The following RERE variants were observed in gnomAD, a reference collection of about 807,000 sequenced individuals.
RERE encodes arginine-glutamic acid dipeptide repeats.
A neutral mutation model predicts 146.1 loss-of-function variants in RERE; 40 were observed. The ratio of observed to expected loss-of-function variants is 0.27; its 90% confidence interval spans 0.21 to 0.36. The LOEUF (loss-of-function observed/expected upper bound fraction) is 0.36, where lower values mean the gene tolerates loss of function less well. Among genes scored for constraint, RERE ranks in the 10% least tolerant of loss-of-function variants. The pLI is 1.00. For synonymous variants in RERE, 1,003 were observed against 866.0 expected (o/e 1.16, Z -2.78); for missense variants, 1,933 against 2,138.7 (o/e 0.90, Z 1.90).
chr1:8,397,958 G>A (rs1643111626), intron 12 of RERE, among the ~76,000 whole-genome samples: 1 of 152,254 alleles, frequency 6.6e-6, no homozygotes, highest in Non-Finnish European at 1.5e-5. Flanking sequence ...ATGTGAGTAA[G>A]ACAGTCCTTG....
Position 8,364,295 on chromosome 1 carries a change from T to C in RERE, c.1541-40A>G, listed in dbSNP as rs763399651. 3.2e-6 allele frequency: 5 copies of C among 1,580,160 alleles called. No individual in the cohort carries two copies. The highest frequency in any genetic ancestry group is 4.3e-6 in the Non-Finnish European group (5 of 1,149,958). On this transcript the variant is annotated intron_variant, in intron 14 of 22. Coordinates refer to ENST00000400908, the MANE Select transcript of RERE (RefSeq NM_001042681.2). The surrounding 1 kb of genome is among the most constrained non-coding windows in gnomAD (Gnocchi z 5.1). Reference sequence around the variant, plus strand: ...TGGTGGGGGCCAACCTTGGAAACCATCCCTCTCCCTGGGGATGTCTGGGCA... The same window carrying C: ...TGGTGGGGGCCAACCTTGGAAACCACCCCTCTCCCTGGGGATGTCTGGGCA...
At chr1:8,757,063 C>T (rs1047643806) in intron 1 of RERE, among the ~76,000 whole-genome samples, 13 of 143,438 alleles carry the variant, frequency 9.1e-5, no homozygotes, top group Non-Finnish European at 1.6e-4. Flanking sequence ...GCACTCCAAC[C>T]TGGGCAACAA....
intron 7 of RERE, among the ~76,000 whole-genome samples, chr1:8,515,126 T>C (rs1645396608): frequency 6.6e-6 from 1 of 152,094 alleles, no homozygotes; most frequent in Non-Finnish European, 1.5e-5. Flanking sequence ...ATCCCAGCAC[T>C]CTGGGACGCT....
intron 4 of RERE, among the ~76,000 whole-genome samples, chr1:8,562,951 A>G (rs1268548924): frequency 6.6e-6 from 1 of 152,212 alleles, no homozygotes; most frequent in African/African-American, 2.4e-5. Flanking sequence ...ATAACAGACA[A>G]TAGTCTGTTG....
At chr1:8,411,223 C>G (rs1643606141) in intron 12 of RERE, among the ~76,000 whole-genome samples, 1 of 151,852 alleles carries the variant, frequency 6.6e-6, no homozygotes, top group Non-Finnish European at 1.5e-5. Context: ...TCCTTCAACT[C>G]ATCTGGTGGC....
At chr1:8,467,276 A>G (rs919431492) in intron 10 of RERE, among the ~76,000 whole-genome samples, 6 of 152,254 alleles carry the variant, frequency 3.9e-5, no homozygotes, top group African/African-American at 1.4e-4. Context: ...AGACATGTAA[A>G]GAATAAACCT....
intron 12 of RERE, among the ~76,000 whole-genome samples, chr1:8,379,726 A>G (rs983337751): frequency 2.0e-5 from 3 of 152,190 alleles, no homozygotes; most frequent in Non-Finnish European, 2.9e-5. Context: ...GTCACTGTCT[A>G]GAGACTCTAG....
chr1:8,705,912 C>G (rs1414657309), intron 1 of RERE, among the ~76,000 whole-genome samples: 1 of 151,978 alleles, frequency 6.6e-6, no homozygotes, highest in South Asian at 2.1e-4. Flanking sequence ...GTCAGGAGAT[C>G]GAGACCATCC....
chr1:8,747,538 G>A (rs1209861136), intron 1 of RERE, among the ~76,000 whole-genome samples: 1 of 151,820 alleles, frequency 6.6e-6, no homozygotes, highest in Admixed American at 6.6e-5. Context: ...ATCAACACAT[G>A]ATATTCATAC....
chr1:8,407,258 A>G (rs779137809), intron 12 of RERE, among the ~76,000 whole-genome samples: 43 of 152,230 alleles, frequency 2.8e-4, no homozygotes, highest in Non-Finnish European at 5.1e-4. Flanking sequence ...ACCTAAACCC[A>G]GAAGGAAGCA....
intron 7 of RERE, among the ~76,000 whole-genome samples, chr1:8,526,321 G>A (rs1399496475): frequency 6.7e-6 from 1 of 148,624 alleles, no homozygotes; most frequent in Non-Finnish European, 1.5e-5. Flanking sequence ...AAGGTAAATG[G>A]TGATTTTAAA....
At chr1:8,498,331 C>A (rs1165986962) in intron 8 of RERE, among the ~76,000 whole-genome samples, 1 of 152,002 alleles carries the variant, frequency 6.6e-6, no homozygotes. Context: ...GCATTCCAGC[C>A]TGGGAGAGAC....
intron 1 of RERE, among the ~76,000 whole-genome samples, chr1:8,706,575 A>G (rs1319661687): frequency 6.6e-6 from 1 of 152,230 alleles, no homozygotes; most frequent in Non-Finnish European, 1.5e-5. Context: ...AACAGAATAT[A>G]AAACTTAGAA....
At chr1:8,703,353 G>C (rs1351692092) in intron 1 of RERE, 6 of 151,382 alleles carry the variant, frequency 4.0e-5, no homozygotes, top group African/African-American at 1.5e-4. Context: ...GCGGCACTCA[G>C]CTCGCACTCC....
intron 1 of RERE, among the ~76,000 whole-genome samples, chr1:8,726,147 C>CTTTTCTTT (rs1639960710): frequency 7.2e-5 from 5 of 69,396 alleles, no homozygotes; most frequent in African/African-American, 3.3e-4. Flanking sequence ...TTTTTCTTTT[C>CTTTTCTTT]TTTTTTTTTT....
intron 2 of RERE, among the ~76,000 whole-genome samples, chr1:8,644,068 C>A (rs1380374381): frequency 1.3e-5 from 2 of 152,168 alleles, no homozygotes; most frequent in African/African-American, 4.8e-5. Flanking sequence ...CAAACTATTG[C>A]TAAATATCCA....
At chr1:8,436,621 A>G (rs1260192739) in intron 11 of RERE, among the ~76,000 whole-genome samples, 1 of 152,238 alleles carries the variant, frequency 6.6e-6, no homozygotes, top group African/African-American at 2.4e-5. Context: ...AAAGGAATCT[A>G]GACCAGTGGT....
chr1:8,396,002 T>G (rs888820523), intron 12 of RERE, among the ~76,000 whole-genome samples: 4 of 152,166 alleles, frequency 2.6e-5, no homozygotes, highest in African/African-American at 9.7e-5. Flanking sequence ...AGGACAGCCA[T>G]TCCATTAACT....
At chr1:8,760,016 T>C (rs1640721780) in intron 1 of RERE, among the ~76,000 whole-genome samples, 1 of 151,968 alleles carries the variant, frequency 6.6e-6, no homozygotes, top group African/African-American at 2.4e-5. Context: ...CTATCATTAG[T>C]TTAGTTTAGT....
Sources: allele counts gnomAD v4.1 joint callset (sites outside exome capture counted in the v4.1 genomes callset), GRCh38; gene constraint gnomAD v4.1.1; non-coding constraint Gnocchi (gnomAD v3.1); transcripts MANE v1.5; gene names NCBI Gene and HGNC (gene_info 2026-07-23, HGNC 2026-07-21).